CDH12: variants seen among roughly 807,000 people sequenced by gnomAD.
CDH12 encodes the protein cadherin 12.
In CDH12, 41 loss-of-function variants were observed where a neutral mutation model predicts 74.1. That is an observed-to-expected ratio of 0.55 (90% CI 0.43 to 0.72). The LOEUF is 0.72. Among genes scored for constraint, CDH12 ranks in the 30% least tolerant of loss-of-function variants. The pLI is 0.00. For synonymous variants in CDH12, 399 were observed against 355.0 expected (o/e 1.12, Z -1.39); for missense variants, 945 against 977.2 (o/e 0.97, Z 0.44).
rs1024974342 is a variant in CDH12, at chr5:21,884,375, T to C, written c.527-29585A>G. 7.1e-6 allele frequency: 7 copies of C among 992,328 alleles called. No individual in the cohort carries two copies. In the African/African-American group the frequency reaches 9.6e-5, roughly 14 times the overall value. The allele number at this position is 992,328 out of a possible 1,614,324, so 61.5% of individuals were successfully genotyped here. On this transcript the variant is annotated intron_variant, in intron 6 of 14. Transcript: ENST00000382254. ...GACAGGAAGCCCAAGGCAGTGTTCC[T>C]CACCAATAACTTCAGAGAAGTCAGT...
intron 6 of CDH12, among the ~76,000 whole-genome samples, chr5:21,956,560 T>A (rs1756107332): frequency 1.3e-5 from 2 of 151,976 alleles, no homozygotes; most frequent in South Asian, 4.1e-4. Flanking sequence ...CATTCTGGAG[T>A]ATTGCTTGTA....
Position 22,019,784 on chromosome 5 carries a change from G to A in CDH12, c.232-44399C>T, listed in dbSNP as rs74501729. Among the ~76,000 whole-genome samples the A allele has an allele frequency of 1.2e-3, 184 of 152,278 alleles. 1 individual carries two copies. Among genetic ancestry groups the A allele is most frequent in the African/African-American group, 4.2e-3 (173 of 41,560 alleles). On this transcript the variant is annotated intron_variant, in intron 5 of 14. Coordinates refer to ENST00000382254, the MANE Select transcript of CDH12 (RefSeq NM_004061.5). The stretch of plus-strand genomic sequence containing the variant: ...CATCTTACATAATGGGCTGGATGCT[G>A]CATTCTTTGGATAAAACCATCAATA...
At chr5:22,452,893 A>AT (rs545301624) in intron 2 of CDH12, among the ~76,000 whole-genome samples, 24 of 147,208 alleles carry the variant, frequency 1.6e-4, no homozygotes, top group East Asian at 1.4e-3. Context: ...AAAAAAAAAA[A>AT]AAAAAAAAAA....
intron 1 of CDH12, among the ~76,000 whole-genome samples, chr5:22,686,571 C>A (rs944547211): frequency 3.3e-5 from 5 of 152,100 alleles, no homozygotes; most frequent in South Asian, 2.1e-4. Flanking sequence ...GGAAGGAGTG[C>A]AACTTCATAT....
intron 1 of CDH12, among the ~76,000 whole-genome samples, chr5:22,792,273 G>C (rs1238559071): frequency 2.0e-5 from 3 of 151,930 alleles, no homozygotes; most frequent in African/African-American, 7.3e-5. Flanking sequence ...ATTTTTAGTA[G>C]AGACAGGGTT....
At chr5:22,494,879 T>C (rs532139444) in intron 2 of CDH12, among the ~76,000 whole-genome samples, 92 of 152,286 alleles carry the variant, frequency 6.0e-4, no homozygotes, top group African/African-American at 2.1e-3. Context: ...TAAGGTGTAG[T>C]GATACCCCGG....
intron 3 of CDH12, among the ~76,000 whole-genome samples, chr5:22,256,847 C>A (rs975978668): frequency 4.0e-5 from 6 of 151,874 alleles, no homozygotes; most frequent in African/African-American, 1.5e-4. Context: ...GGGAATATAC[C>A]CAAAGGATAC....
intron 5 of CDH12, among the ~76,000 whole-genome samples, chr5:22,041,445 C>T (rs1174078162): frequency 6.6e-6 from 1 of 152,002 alleles, no homozygotes; most frequent in Non-Finnish European, 1.5e-5. Context: ...CCTACTTTAG[C>T]CTATGTACAT....
chr5:22,345,064 A>C (rs774104356), intron 3 of CDH12, among the ~76,000 whole-genome samples: 40 of 152,230 alleles, frequency 2.6e-4, no homozygotes, highest in South Asian at 4.1e-4. Flanking sequence ...TGCCAATTTC[A>C]AAATAAAACA....
In CDH12 at chr5:22,846,907, G is replaced by A. The variant is rs371729401; in HGVS notation, c.-523+6151C>T. 4.6e-5 allele frequency among the ~76,000 whole-genome samples: 7 copies of A among 151,884 alleles called. 1 individual carries two copies. The highest frequency in any genetic ancestry group is 6.6e-5 in the Admixed American group (1 of 15,192). The stretch of plus-strand genomic sequence containing the variant: ...TATAAAAATTAATTGTCAGCAAAAT[G>A]TAAAATGTTGAGATTTGAGTATATG... On this transcript the variant is annotated intron_variant, in intron 1 of 14. Coordinates refer to ENST00000382254, the MANE Select transcript of CDH12 (RefSeq NM_004061.5).
intron 1 of CDH12, among the ~76,000 whole-genome samples, chr5:22,621,994 AT>A (rs1197564144): frequency 6.6e-6 from 1 of 152,162 alleles, no homozygotes; most frequent in Non-Finnish European, 1.5e-5. Context: ...TCCCCTAGTC[AT>A]TAGCTGTGTT....
rs1407238400 is a variant in CDH12, at chr5:22,153,688, T to G, written c.-187+58810A>C. Among the ~76,000 whole-genome samples the G allele has an allele frequency of 4.0e-5, 6 of 149,080 alleles. No homozygotes were observed. In the Admixed American group the frequency reaches 4.1e-4, roughly 10 times the overall value. On this transcript the variant is annotated intron_variant, in intron 4 of 14. Coordinates refer to ENST00000382254, the MANE Select transcript of CDH12 (RefSeq NM_004061.5). ...GAGAAACTTGATGTAAATAGGAACC[T>G]AATGCCTGGTACATAGTGAACATTC...
intron 2 of CDH12, among the ~76,000 whole-genome samples, chr5:22,472,753 A>G (rs1424252387): frequency 6.6e-6 from 1 of 152,128 alleles, no homozygotes; most frequent in Non-Finnish European, 1.5e-5. Flanking sequence ...ACCCAGAAAC[A>G]TGATCTAGGT....
chr5:22,547,776 G>C (rs146911463), intron 1 of CDH12, among the ~76,000 whole-genome samples: 1 of 152,128 alleles, frequency 6.6e-6, no homozygotes, highest in Admixed American at 6.6e-5. Flanking sequence ...TGGTCTGAAC[G>C]TATTAGGGGA....
At chr5:21,873,077 TTAAA>T (rs1751732238) in intron 6 of CDH12, among the ~76,000 whole-genome samples, 1 of 152,160 alleles carries the variant, frequency 6.6e-6, no homozygotes, top group African/African-American at 2.4e-5. Flanking sequence ...AACACTGTAA[TTAAA>T]TATATGATCT....
intron 6 of CDH12, among the ~76,000 whole-genome samples, chr5:21,959,429 C>A: frequency 6.6e-6 from 1 of 151,920 alleles, no homozygotes; most frequent in Non-Finnish European, 1.5e-5. Context: ...TAAAGGGGGG[C>A]AAGCTGAATA....
chr5:22,636,857 A>G (rs1446060455), intron 1 of CDH12, among the ~76,000 whole-genome samples: 1 of 152,236 alleles, frequency 6.6e-6, no homozygotes, highest in Non-Finnish European at 1.5e-5. Flanking sequence ...TAAAAAGTAA[A>G]TAAGTAAATG....
chr5:22,396,458 C>T (rs1742466260), intron 3 of CDH12, among the ~76,000 whole-genome samples: 2 of 152,002 alleles, frequency 1.3e-5, no homozygotes. Context: ...ATTCTGTCTC[C>T]CTGCACTGAC....
At chr5:22,621,162 G>T (rs1003226430) in intron 1 of CDH12, among the ~76,000 whole-genome samples, 3 of 152,154 alleles carry the variant, frequency 2.0e-5, no homozygotes, top group Admixed American at 1.3e-4. Context: ...CAGCAGCATA[G>T]CATCTACCAA....
Sources: gnomAD v4.1 joint callset for allele counts (sites outside exome capture counted in the v4.1 genomes callset) on GRCh38, gnomAD v4.1.1 for gene constraint, MANE v1.5 for transcripts, NCBI Gene and HGNC (gene_info 2026-07-23, HGNC 2026-07-21) for gene names.